The following KIAA0825 variants were observed in gnomAD, a reference collection of about 807,000 sequenced individuals.
KIAA0825 encodes KIAA0825.
A neutral mutation model predicts 147.6 loss-of-function variants in KIAA0825; 119 were observed. The ratio of observed to expected loss-of-function variants is 0.81; its 90% CI spans 0.69 to 0.94. The LOEUF (loss-of-function observed/expected upper bound fraction) is 0.94. Ranked by LOEUF, KIAA0825 falls within the 40% of genes least tolerant of loss-of-function variation. The pLI, the probability that KIAA0825 is intolerant of heterozygous loss-of-function variation, is 0.00. For synonymous variants in KIAA0825, 470 were observed against 518.1 expected (o/e 0.91, Z 1.26); for missense variants, 1,381 against 1,472.7 (o/e 0.94, Z 1.02).
intron 17 of KIAA0825, among the ~76,000 whole-genome samples, chr5:94,393,963 C>G (rs1750269410): frequency 6.6e-6 from 1 of 151,642 alleles, no homozygotes; most frequent in Admixed American, 6.6e-5. Context: ...ATTCTCCTGT[C>G]TCAGCCTCCC....
chr5:94,179,958 T>C (rs1014868501), intron 20 of KIAA0825, among the ~76,000 whole-genome samples: 1 of 152,036 alleles, frequency 6.6e-6, no homozygotes, highest in African/African-American at 2.4e-5. Flanking sequence ...ATAGAAATCA[T>C]CATTAAAACA....
chr5:94,300,283 A>G (rs899394961), intron 20 of KIAA0825, among the ~76,000 whole-genome samples: 1 of 152,128 alleles, frequency 6.6e-6, no homozygotes, highest in Non-Finnish European at 1.5e-5. Flanking sequence ...ATGATAACAG[A>G]TCTAGTTATT....
chr5:94,426,681 C>G (rs1754930703), intron 14 of KIAA0825, among the ~76,000 whole-genome samples: 1 of 152,034 alleles, frequency 6.6e-6, no homozygotes, highest in South Asian at 2.1e-4. Context: ...TTGTATATTT[C>G]AAAGGAGTAA....
At chr5:94,612,227 G>A (rs190394987) in intron 1 of KIAA0825, among the ~76,000 whole-genome samples, 6 of 152,238 alleles carry the variant, frequency 3.9e-5, no homozygotes, top group Admixed American at 6.5e-5. Context: ...AGGGCAGGAG[G>A]GGGTGGCACA....
chr5:94,281,231 A>G (rs974666630), intron 20 of KIAA0825, among the ~76,000 whole-genome samples: 1 of 150,120 alleles, frequency 6.7e-6, no homozygotes, highest in African/African-American at 2.5e-5. Context: ...ACACACACAC[A>G]CACACACACA....
At chr5:94,466,209 T>C (rs1760474966) in intron 10 of KIAA0825, among the ~76,000 whole-genome samples, 1 of 152,196 alleles carries the variant, frequency 6.6e-6, no homozygotes, top group African/African-American at 2.4e-5. Context: ...TTTCTTTATG[T>C]ATTACTCTTC....
chr5:94,452,287 GAT>G (rs1473340501), intron 13 of KIAA0825, among the ~76,000 whole-genome samples: 1 of 152,184 alleles, frequency 6.6e-6, no homozygotes, highest in African/African-American at 2.4e-5. Context: ...TCAAGAGAGA[GAT>G]ATAGTCAGCT....
rs150574264 is a variant in KIAA0825 at position 94,306,452 on chromosome 5, G to A, written c.3710+77916C>T. On this transcript the variant is annotated intron_variant, in intron 20 of 20. Coordinates refer to ENST00000682413, the MANE Select transcript of KIAA0825 (RefSeq NM_001145678.3). ...GAAAAATCCAGCACCATATTAAAAA[G>A]TTGTGTAAGTTCCATTCATACTTTT... Among the ~76,000 whole-genome samples, 215 of 151,888 alleles carry A rather than the reference G, an allele frequency of 1.4e-3. 1 individual carries two copies. Among genetic ancestry groups the A allele is most frequent in the African/African-American group, 4.8e-3 (201 of 41,510 alleles).
chr5:94,565,986 C>T (rs1244214692), intron 2 of KIAA0825, among the ~76,000 whole-genome samples: 1 of 152,168 alleles, frequency 6.6e-6, no homozygotes, highest in Non-Finnish European at 1.5e-5. Flanking sequence ...TCTATCAGTT[C>T]AATTGTTTGA....
At chr5:94,508,305 A>G (rs1329644877) in intron 5 of KIAA0825, among the ~76,000 whole-genome samples, 1 of 152,222 alleles carries the variant, frequency 6.6e-6, no homozygotes, top group Non-Finnish European at 1.5e-5. Context: ...TATACACAGT[A>G]TGTAAGATAA....
Position 94,396,467 on chromosome 5 carries a change from C to T in KIAA0825, c.2930G>A (p.Ser977Asn). The change falls in exon 17 of 21, where the codon AGC (serine) becomes AAC (asparagine). Residue 977 changes from serine to asparagine, a missense_variant. By Grantham distance (46) the Ser-to-Asn change is conservative. Coordinates refer to ENST00000682413, the MANE Select transcript of KIAA0825 (RefSeq NM_001145678.3). ...LTAQAVSIVI[S>N]KLPTVIACLP... The stretch of plus-strand genomic sequence containing the variant: ...ACATGCAATCACCGTAGGTAACTTG[C>T]TGATTACAATAGATACTGCCTGAGC... The T allele has an allele frequency of 6.5e-7, 1 of 1,530,762 alleles. No homozygotes were observed. The allele number at this position is 1,530,762 out of a possible 1,614,324, so 94.8% of individuals were successfully genotyped here. A position where few individuals can be genotyped will look rare whatever the true frequency, so the allele number is the denominator to read the frequency against.
At chr5:94,589,549 A>T (rs1783962757) in intron 1 of KIAA0825, among the ~76,000 whole-genome samples, 1 of 151,216 alleles carries the variant, frequency 6.6e-6, no homozygotes, top group African/African-American at 2.5e-5. Flanking sequence ...ATTGTATATA[A>T]TTTCACTTAT....
chr5:94,564,537 A>AGT (rs56256662), intron 2 of KIAA0825, among the ~76,000 whole-genome samples: 708 of 32,918 alleles, frequency 0.022, 39 homozygotes, highest in Non-Finnish European at 0.026. Context: ...CTTATTTTTG[A>AGT]GTGTGTGTGT....
chr5:94,443,165 A>C (rs1277116727), intron 13 of KIAA0825, among the ~76,000 whole-genome samples: 2 of 152,100 alleles, frequency 1.3e-5, no homozygotes, highest in Admixed American at 1.3e-4. Flanking sequence ...ATGACTCACT[A>C]TGAGGAAAAA....
chr5:94,155,409 G>T (rs1474474668), intron 20 of KIAA0825, among the ~76,000 whole-genome samples: 2 of 151,602 alleles, frequency 1.3e-5, no homozygotes, highest in African/African-American at 2.4e-5. Context: ...TGTAGAGACA[G>T]GGTCTCCCCT....
intron 20 of KIAA0825, among the ~76,000 whole-genome samples, chr5:94,306,221 A>G (rs142533967): frequency 4.5e-4 from 69 of 152,000 alleles, no homozygotes; most frequent in Non-Finnish European, 7.5e-4. Flanking sequence ...TTCAGAGTTT[A>G]TTTTCTAGAA....
intron 20 of KIAA0825, among the ~76,000 whole-genome samples, chr5:94,350,920 C>G (rs1273592203): frequency 6.8e-6 from 1 of 147,350 alleles, no homozygotes; most frequent in Non-Finnish European, 1.5e-5. Flanking sequence ...GAGTCTCGCT[C>G]TTGTTGCCCA....
chr5:94,438,951 C>T (rs376457896), intron 14 of KIAA0825, among the ~76,000 whole-genome samples: 3 of 152,240 alleles, frequency 2.0e-5, no homozygotes, highest in East Asian at 3.9e-4. Flanking sequence ...AAGAGATTAG[C>T]GTTAAGACAG....
intron 1 of KIAA0825, among the ~76,000 whole-genome samples, chr5:94,616,830 G>T (rs1488881651): frequency 1.3e-5 from 2 of 152,098 alleles, no homozygotes; most frequent in African/African-American, 4.8e-5. Context: ...CTCAAGTTTT[G>T]CTATCCACTT....
Sources: allele counts gnomAD v4.1 joint callset (sites outside exome capture counted in the v4.1 genomes callset), GRCh38; gene constraint gnomAD v4.1.1; transcripts MANE v1.5; gene names NCBI Gene and HGNC (gene_info 2026-07-23, HGNC 2026-07-21).